Variants in GHRH observed in about 807,000 individuals in gnomAD.
The protein encoded by GHRH is somatoliberin.
Under a neutral mutation model 15.6 loss-of-function variants are expected in GHRH, and 7 were observed. The ratio of observed to expected loss-of-function variants is 0.45; its 90% CI spans 0.26 to 0.84. The LOEUF is 0.84. Ranked by LOEUF, GHRH falls within the 40% of genes least tolerant of loss-of-function variation. The probability of loss-of-function intolerance (pLI) is 0.18; values close to 1 mark genes in which losing one functional copy is unlikely to be tolerated. For missense variants in GHRH, 117 were observed against 138.0 expected, an observed-to-expected ratio of 0.85 and a Z score of 0.76; for synonymous variants, 54 against 50.4, an observed-to-expected ratio of 1.07 and a Z score of -0.30.
At position 37,256,828 on chromosome 20, in the gene GHRH, G is replaced by C; in HGVS notation, c.62C>G (p.Pro21Arg). ...LTLSNSSHCS[P>R]PPPLTLRMRR... ...TTACCTGAGGGTCAAAGGGGGAGGT[G>C]GGGAGCAGTGGGAGCTGTTGCTGAG... The change falls in exon 2 of 5, where the codon CCA (proline) becomes CGA (arginine). Residue 21 changes from proline (P) to arginine (R), a missense_variant. Physicochemically the swap from Pro to Arg is moderately radical, Grantham distance 103. Coordinates refer to ENST00000373614, the MANE Select transcript of GHRH (RefSeq NM_021081.6). The C allele has an allele frequency of 6.2e-7, 1 of 1,612,824 alleles. No homozygotes were observed.
At chr20:37,261,382 A>G (rs899902335) in intron 1 of GHRH, among the ~76,000 whole-genome samples, 1 of 152,234 alleles carries the variant, frequency 6.6e-6, no homozygotes, top group African/African-American at 2.4e-5. Flanking sequence ...CACTTGGCTC[A>G]TCTCTGATCC....
chr20:37,256,477 G>A lies in GHRH; in HGVS notation c.105C>T (p.Ala35=). The change falls in exon 3 of 5, where the codon GCC becomes GCT. Residue 35 remains alanine, a synonymous_variant. Coordinates refer to ENST00000373614, the MANE Select transcript of GHRH (RefSeq NM_021081.6). ...CCTTCCGGTAGCTGTTGGTGAAGATGGCATCTGCATACCGCCGCATCCTGT... is the reference window on the plus strand; with the variant it reads ...CCTTCCGGTAGCTGTTGGTGAAGATAGCATCTGCATACCGCCGCATCCTGT... ...LTLRMRRYAD[A]IFTNSYRKVL... 6.2e-7 allele frequency: 1 copy of A among 1,613,026 alleles called. No homozygotes were observed. Among genetic ancestry groups the A allele is most frequent in the Middle Eastern group, 1.7e-4 (1 of 6,060 alleles).
Position 37,254,089 on chromosome 20 carries a change from C to T in GHRH, c.308+121G>A. 4.9e-6 allele frequency: 5 copies of T among 1,012,840 alleles called. No homozygotes were observed. The South Asian group carries it at 7.4e-5, about 15-fold the overall frequency. 62.7% of individuals were successfully genotyped at this position (1,012,840 alleles called of 1,614,324 possible). ...AATGTCTGTCAGGAGGGTCCTTGTT[C>T]TTGGTTTGTTTGGCAGAGCCCCATA... On this transcript the variant is annotated intron_variant, in intron 4 of 4. Coordinates refer to ENST00000373614, the MANE Select transcript of GHRH (RefSeq NM_021081.6).
intron 1 of GHRH, among the ~76,000 whole-genome samples, chr20:37,260,732 T>A (rs948051802): frequency 2.0e-5 from 3 of 152,210 alleles, no homozygotes; most frequent in Non-Finnish European, 4.4e-5. Context: ...AATCTATCAT[T>A]ATGATCATCG....
At chr20:37,259,341 C>T (rs1369976477) in intron 1 of GHRH, among the ~76,000 whole-genome samples, 1 of 152,152 alleles carries the variant, frequency 6.6e-6, no homozygotes, top group Non-Finnish European at 1.5e-5. Context: ...CACGTCTGGT[C>T]CCCCTTCTCC....
intron 3 of GHRH, among the ~76,000 whole-genome samples, chr20:37,255,906 G>T (rs1238221655): frequency 6.6e-6 from 1 of 152,012 alleles, no homozygotes; most frequent in Non-Finnish European, 1.5e-5. Flanking sequence ...CACACTGGTA[G>T]TCCTAGCTAC....
intron 3 of GHRH, 61 bp downstream of exon 3, chr20:37,256,333 A>T: frequency 9.3e-7 from 1 of 1,074,484 alleles, no homozygotes; most frequent in Non-Finnish European, 1.4e-6. Context: ...CCCTGTAGGG[A>T]ACAAGCTCCT....
rs199714258 is a variant in GHRH, at chr20:37,256,839, G to C, written c.51C>G (p.Ser17=). Residue 17 remains serine, a synonymous_variant, in exon 2 of 5, where the codon TCC becomes TCG. Transcript: ENST00000373614. ...TCAAAGGGGGAGGTGGGGAGCAGTG[G>C]GAGCTGTTGCTGAGGGTGAGGATCA... ...FFVILTLSNS[S]HCSPPPPLTL... The C allele has an allele frequency of 4.3e-6, 7 of 1,613,352 alleles. No homozygotes were observed. The highest frequency in any genetic ancestry group is 1.3e-5 in the African/African-American group (1 of 75,044).
chr20:37,255,680 AAAAAAAG>A lies in GHRH; in HGVS notation c.188+707_188+713del, dbSNP rs528574123. Among the ~76,000 whole-genome samples, 179 of 149,436 alleles carry A rather than the reference AAAAAAAG, an allele frequency of 1.2e-3. 5 individuals are homozygous for A. The highest frequency in any genetic ancestry group is 3.8e-3 in the African/African-American group (153 of 40,026). ...CATCTCAAAAAAAAAAAAAAAAAAAAAAAAAAGAGCTATTAACCCTGTACAATGGGGA... is the reference window on the plus strand; with the variant it reads ...CATCTCAAAAAAAAAAAAAAAAAAAAAGCTATTAACCCTGTACAATGGGGA... On this transcript the variant is annotated intron_variant, in intron 3 of 4. Transcript: ENST00000373614.
chr20:37,257,067 C>T (rs2068661545), intron 1 of GHRH, among the ~76,000 whole-genome samples, 159 bp from the exon 2 acceptor site: 1 of 152,150 alleles, frequency 6.6e-6, no homozygotes, highest in Non-Finnish European at 1.5e-5. Flanking sequence ...GTCAGACAGA[C>T]CTGAGTTCAT....
At chr20:37,253,456 G>A (rs16986520) in intron 4 of GHRH, among the ~76,000 whole-genome samples, 4,033 of 152,300 alleles carry the variant, frequency 0.026, 185 homozygotes, top group African/African-American at 0.093. Context: ...TTTCTGGGTC[G>A]TATCACGGAA....
In GHRH at chr20:37,254,192, A is replaced by G; in HGVS notation, c.308+18T>C. 3 of 1,613,964 alleles carry G rather than the reference A, an allele frequency of 1.9e-6. No individual in the cohort carries two copies. Among genetic ancestry groups the G allele is most frequent in the Non-Finnish European group, 1.7e-6 (2 of 1,179,904 alleles). ...AGCCCTGAAGTCCCTAGATGCACCC[A>G]TGCACACACACCCATACCTGTGCTT... On this transcript the variant is annotated intron_variant, in intron 4 of 4. Coordinates refer to ENST00000373614, the MANE Select transcript of GHRH (RefSeq NM_021081.6).
rs929882725 is a variant in GHRH, at chr20:37,259,831, C to T, written c.-20+1912G>A. ...GCACTTCAGAGTGGGCCTCCTCATT[C>T]CCAGGCCGGCAGACTTCCTTCCGCT... On this transcript the variant is annotated intron_variant, in intron 1 of 4. Coordinates refer to ENST00000373614, the MANE Select transcript of GHRH (RefSeq NM_021081.6). Among the ~76,000 whole-genome samples the T allele has an allele frequency of 3.9e-5, 6 of 152,210 alleles. No individual in the cohort carries two copies. The East Asian group carries it at 1.2e-3, about 29-fold the overall frequency.
intron 4 of GHRH, among the ~76,000 whole-genome samples, chr20:37,252,856 T>G (rs892254847): frequency 2.0e-5 from 3 of 152,036 alleles, no homozygotes; most frequent in African/African-American, 7.2e-5. Flanking sequence ...CTGGCCAACA[T>G]GGTGAAACCC....
At position 37,251,257 on chromosome 20, in the gene GHRH, TC is replaced by T. The variant is rs771402551; in HGVS notation, c.309-27del. The T allele has an allele frequency of 2.4e-5, 38 of 1,595,020 alleles. No individual in the cohort carries two copies. The African/African-American group carries it at 4.6e-4, about 19-fold the overall frequency. On this transcript the variant is annotated intron_variant, in intron 4 of 4. Transcript: ENST00000373614. ...CTGCAGAAAGAAAGATCAAGCTCAATCCGGGGAATTGAAGTAAGGGTGGCTA... is the reference window on the plus strand; with the variant it reads ...CTGCAGAAAGAAAGATCAAGCTCAATCGGGGAATTGAAGTAAGGGTGGCTA...
rs201124780 is a variant in GHRH, at chr20:37,255,432, G to A, written c.188+962C>T. On this transcript the variant is annotated intron_variant, in intron 3 of 4. Coordinates refer to ENST00000373614, the MANE Select transcript of GHRH (RefSeq NM_021081.6). ...TCCCAGCACTTTGGGAGGCCGAGGCGGGCAGATCACGAGGTCAGGAGATCG... is the reference window on the plus strand; with the variant it reads ...TCCCAGCACTTTGGGAGGCCGAGGCAGGCAGATCACGAGGTCAGGAGATCG... Among the ~76,000 whole-genome samples the A allele has an allele frequency of 3.4e-4, 52 of 152,046 alleles. 1 individual carries two copies. The highest frequency in any genetic ancestry group is 4.8e-4 in the African/African-American group (20 of 41,482).
intron 1 of GHRH, 126 bp from the exon 2 acceptor site, chr20:37,257,034 G>A (rs1267932636): frequency 1.2e-5 from 8 of 654,218 alleles, no homozygotes; most frequent in Non-Finnish European, 2.2e-5. Flanking sequence ...TGTGGGATGG[G>A]AAAAAGAACC....
chr20:37,252,140 C>CGG (rs2068624810), intron 4 of GHRH, among the ~76,000 whole-genome samples: 1 of 152,232 alleles, frequency 6.6e-6, no homozygotes, highest in East Asian at 1.9e-4. Flanking sequence ...TTTTTGAACT[C>CGG]TTGTCTTGCG....
intron 3 of GHRH, 85 bp downstream of exon 3, chr20:37,256,309 A>G (rs1182526414): frequency 5.2e-6 from 4 of 765,130 alleles, no homozygotes; most frequent in Non-Finnish European, 8.6e-6. Context: ...AGAGATCTGA[A>G]TTGGTCCCTG....
Sources: allele counts gnomAD v4.1 joint callset (sites outside exome capture counted in the v4.1 genomes callset), GRCh38; gene constraint gnomAD v4.1.1; transcripts MANE v1.5; gene names NCBI Gene and HGNC (gene_info 2026-07-23, HGNC 2026-07-21).